SLC2A13: variants seen among roughly 807,000 people sequenced by gnomAD.
SLC2A13 encodes proton myo-inositol cotransporter.
A neutral mutation model predicts 64.4 loss-of-function variants in SLC2A13; 32 were observed. That is an observed-to-expected ratio of 0.50 (90% CI 0.37 to 0.67). The LOEUF (loss-of-function observed/expected upper bound fraction) is 0.67. Among genes scored for constraint, SLC2A13 ranks in the 30% least tolerant of loss-of-function variants. SLC2A13 has a pLI of 0.00. For synonymous variants in SLC2A13, 338 were observed against 327.1 expected (o/e 1.03, Z -0.36); for missense variants, 743 against 829.2 (o/e 0.90, Z 1.28).
chr12:39,860,067 C>T (rs780221908), intron 6 of SLC2A13, among the ~76,000 whole-genome samples: 8 of 152,086 alleles, frequency 5.3e-5, no homozygotes, highest in Non-Finnish European at 8.8e-5. Flanking sequence ...GCTGTTGTGT[C>T]GTTGGTTTCA....
chr12:39,961,626 G>A (rs1946414988), intron 3 of SLC2A13, among the ~76,000 whole-genome samples: 1 of 151,924 alleles, frequency 6.6e-6, no homozygotes, highest in South Asian at 2.1e-4. Flanking sequence ...AACCTCCCGA[G>A]TAGTTGAGAC....
intron 6 of SLC2A13, among the ~76,000 whole-genome samples, chr12:39,831,824 T>C (rs1942859325): frequency 6.6e-6 from 1 of 152,118 alleles, no homozygotes; most frequent in Non-Finnish European, 1.5e-5. Context: ...CTTAGCCTTC[T>C]ACCATAAGCT....
At chr12:39,921,694 G>A (rs1412895224) in intron 4 of SLC2A13, among the ~76,000 whole-genome samples, 6 of 152,080 alleles carry the variant, frequency 3.9e-5, no homozygotes, top group Non-Finnish European at 1.5e-5. Flanking sequence ...TTAAGTTCAA[G>A]TAACCCTAAC....
intron 1 of SLC2A13, among the ~76,000 whole-genome samples, chr12:40,048,755 C>T (rs1011190287): frequency 6.6e-6 from 1 of 152,150 alleles, no homozygotes; most frequent in African/African-American, 2.4e-5. Context: ...AAGAGTTTTA[C>T]AGCTAAGGTG....
At chr12:39,849,817 A>G (rs1261566809) in intron 6 of SLC2A13, among the ~76,000 whole-genome samples, 1 of 151,988 alleles carries the variant, frequency 6.6e-6, no homozygotes, top group Non-Finnish European at 1.5e-5. Flanking sequence ...TAAAAATCCT[A>G]CCTTACTTTT....
At chr12:39,983,915 A>T (rs1281481800) in intron 3 of SLC2A13, among the ~76,000 whole-genome samples, 4 of 148,412 alleles carry the variant, frequency 2.7e-5, no homozygotes, top group Non-Finnish European at 6.0e-5. Flanking sequence ...AATAGCAAAG[A>T]CTTGGAACCA....
chr12:40,069,029 T>C (rs1032605955), intron 1 of SLC2A13, among the ~76,000 whole-genome samples: 2 of 152,126 alleles, frequency 1.3e-5, no homozygotes, highest in Non-Finnish European at 2.9e-5. Context: ...GAAGACAGTC[T>C]TGCATACATT....
chr12:39,905,685 T>C (rs532812829), intron 4 of SLC2A13, among the ~76,000 whole-genome samples: 17 of 152,190 alleles, frequency 1.1e-4, no homozygotes, highest in Middle Eastern at 3.4e-3. Flanking sequence ...CATTAATATT[T>C]TAAAACATGC....
chr12:39,849,225 A>G (rs1943401442), intron 6 of SLC2A13, among the ~76,000 whole-genome samples: 1 of 152,120 alleles, frequency 6.6e-6, no homozygotes, highest in Non-Finnish European at 1.5e-5. Context: ...AAGAGTCCCT[A>G]ACAGTATCTG....
chr12:39,944,390 G>A (rs964163980), intron 4 of SLC2A13, among the ~76,000 whole-genome samples: 2 of 152,198 alleles, frequency 1.3e-5, no homozygotes, highest in Non-Finnish European at 2.9e-5. Flanking sequence ...TAAATCCACT[G>A]TTTCTTTGTT....
At chr12:40,076,659 G>T (rs758542899) in intron 1 of SLC2A13, among the ~76,000 whole-genome samples, 1 of 152,032 alleles carries the variant, frequency 6.6e-6, no homozygotes, top group Non-Finnish European at 1.5e-5. Context: ...ATTTCTTTGG[G>T]TATATACCCA....
chr12:39,953,535 A>G (rs758562555), intron 3 of SLC2A13, among the ~76,000 whole-genome samples: 1 of 151,914 alleles, frequency 6.6e-6, no homozygotes, highest in Non-Finnish European at 1.5e-5. Context: ...AATCAAGTAC[A>G]TTAATTGGCT....
At chr12:39,853,454 C>T (rs1007758984) in intron 6 of SLC2A13, among the ~76,000 whole-genome samples, 1 of 152,026 alleles carries the variant, frequency 6.6e-6, no homozygotes, top group Non-Finnish European at 1.5e-5. Flanking sequence ...AAGGGAATTG[C>T]TCCTAATTGT....
intron 7 of SLC2A13, among the ~76,000 whole-genome samples, chr12:39,813,063 T>G (rs867811869): frequency 7.5e-6 from 1 of 133,194 alleles, no homozygotes; most frequent in Middle Eastern, 3.4e-3. Flanking sequence ...CACGCTGGTC[T>G]CAAACTCCTG....
At chr12:40,038,952 T>C (rs925048818) in intron 2 of SLC2A13, among the ~76,000 whole-genome samples, 6 of 152,090 alleles carry the variant, frequency 3.9e-5, no homozygotes, top group African/African-American at 1.5e-4. Flanking sequence ...TTAAAAATTC[T>C]GCAAATATAA....
chr12:39,764,890 A>C (rs1411172690), intron 7 of SLC2A13, 32 bp from the exon 8 acceptor site: 1 of 1,599,974 alleles, frequency 6.3e-7, no homozygotes, highest in Admixed American at 1.7e-5. Context: ...GTATTAACTT[A>C]ATGTTTTTGA....
At chr12:40,026,599 A>T (rs976367158) in intron 3 of SLC2A13, among the ~76,000 whole-genome samples, 1 of 152,224 alleles carries the variant, frequency 6.6e-6, no homozygotes, top group Admixed American at 6.5e-5. Context: ...AATGCTTTGC[A>T]ATAAAATCAA....
intron 3 of SLC2A13, among the ~76,000 whole-genome samples, chr12:39,984,432 A>T (rs1242920939): frequency 6.6e-6 from 1 of 152,170 alleles, no homozygotes; most frequent in Admixed American, 6.5e-5. Flanking sequence ...AATAACTTTA[A>T]AAAGTTAAAT....
intron 3 of SLC2A13, among the ~76,000 whole-genome samples, chr12:39,988,685 GGGAGGGAGGAAGGAAGGAA>G (rs1947076027): frequency 9.2e-6 from 1 of 108,602 alleles, no homozygotes; most frequent in Non-Finnish European, 2.0e-5. Context: ...GAAGAAGGGA[GGGAGGGAGGAAGGAAGGAA>G]GGAAGGAAGG....
Sources: gnomAD v4.1 joint callset for allele counts (sites outside exome capture counted in the v4.1 genomes callset) on GRCh38, gnomAD v4.1.1 for gene constraint, MANE v1.5 for transcripts, NCBI Gene and HGNC (gene_info 2026-07-23, HGNC 2026-07-21) for gene names.